CPQ: variants seen among roughly 807,000 people sequenced by gnomAD.
The protein encoded by CPQ is carboxypeptidase Q.
In CPQ, 37 loss-of-function variants were observed where a neutral mutation model predicts 45.7. That is an observed-to-expected ratio of 0.81 (90% CI 0.62 to 1.07). The LOEUF (loss-of-function observed/expected upper bound fraction) is 1.07. Ranked by LOEUF, CPQ falls within the 50% of genes least tolerant of loss-of-function variation. The pLI, the probability that CPQ is intolerant of heterozygous loss-of-function variation, is 0.00. For missense variants in CPQ, 537 were observed against 572.9 expected (o/e 0.94, Z 0.64); for synonymous variants, 186 against 205.8 (o/e 0.90, Z 0.82).
intron 4 of CPQ, among the ~76,000 whole-genome samples, chr8:96,881,161 T>C (rs1812218573): frequency 6.6e-6 from 1 of 152,210 alleles, no homozygotes; most frequent in South Asian, 2.1e-4. Context: ...ATATTTTCTG[T>C]ATTAGTCCAT....
chr8:96,962,328 A>G (rs931810598), intron 4 of CPQ, among the ~76,000 whole-genome samples: 2 of 152,128 alleles, frequency 1.3e-5, no homozygotes, highest in East Asian at 3.9e-4. Flanking sequence ...GGAAAAGATG[A>G]TGGTGAAAAG....
intron 3 of CPQ, among the ~76,000 whole-genome samples, chr8:96,864,573 A>T (rs1237050534): frequency 6.6e-6 from 1 of 151,552 alleles, no homozygotes; most frequent in Non-Finnish European, 1.5e-5. Flanking sequence ...ATTTTCAAAG[A>T]TCAAACAGTG....
intron 5 of CPQ, among the ~76,000 whole-genome samples, chr8:97,020,808 TAC>T (rs1224062207): frequency 7.2e-5 from 11 of 152,008 alleles, no homozygotes; most frequent in African/African-American, 2.7e-4. Flanking sequence ...GAAGAATTGG[TAC>T]CAATTCTATT....
intron 3 of CPQ, among the ~76,000 whole-genome samples, chr8:96,878,928 T>C (rs1812183413): frequency 6.6e-6 from 1 of 152,200 alleles, no homozygotes. Context: ...ACTTGGAAGC[T>C]GTGACAGTTT....
chr8:96,676,589 G>T (rs1476768845), intron 1 of CPQ, among the ~76,000 whole-genome samples: 1 of 151,962 alleles, frequency 6.6e-6, no homozygotes, highest in African/African-American at 2.4e-5. Context: ...GCATATCTTG[G>T]TTATTGTGAA....
chr8:96,645,655 G>T (rs970078721), intron 1 of CPQ, among the ~76,000 whole-genome samples: 23 of 152,012 alleles, frequency 1.5e-4, no homozygotes, highest in African/African-American at 5.3e-4. Flanking sequence ...GTGACGTGGG[G>T]GTGGTGGAGG....
At chr8:96,719,369 G>A (rs1051551353) in intron 1 of CPQ, among the ~76,000 whole-genome samples, 1 of 152,236 alleles carries the variant, frequency 6.6e-6, no homozygotes, top group East Asian at 1.9e-4. Flanking sequence ...AGGGCTGGCC[G>A]GCTGCTCCAA....
At chr8:96,786,003 T>G (rs1419797724) in intron 2 of CPQ, among the ~76,000 whole-genome samples, 2 of 152,184 alleles carry the variant, frequency 1.3e-5, no homozygotes, top group African/African-American at 4.8e-5. Flanking sequence ...TGAAGTACAT[T>G]GTCAGTTTAA....
intron 5 of CPQ, among the ~76,000 whole-genome samples, chr8:96,975,693 A>G (rs1813766191): frequency 6.6e-6 from 1 of 152,108 alleles, no homozygotes; most frequent in Admixed American, 6.5e-5. Context: ...TTTAAGAGAC[A>G]TAAGTCAATA....
intron 1 of CPQ, among the ~76,000 whole-genome samples, chr8:96,784,156 C>T (rs1810726262): frequency 1.3e-5 from 2 of 151,872 alleles, no homozygotes; most frequent in African/African-American, 4.8e-5. Flanking sequence ...ACAGCATGCA[C>T]TATATAAATG....
At chr8:96,660,150 T>C (rs1025274127) in intron 1 of CPQ, among the ~76,000 whole-genome samples, 1 of 152,180 alleles carries the variant, frequency 6.6e-6, no homozygotes, top group Non-Finnish European at 1.5e-5. Flanking sequence ...ACAACAGAAA[T>C]GAATTTTCTC....
intron 2 of CPQ, among the ~76,000 whole-genome samples, chr8:96,792,011 G>A (rs1324851724): frequency 3.3e-5 from 5 of 152,114 alleles, no homozygotes; most frequent in African/African-American, 1.2e-4. Context: ...TAGATTCTTT[G>A]TTTAACCAGA....
At chr8:97,069,470 T>TAAAA (rs76928528) in intron 7 of CPQ, among the ~76,000 whole-genome samples, 1 of 124,674 alleles carries the variant, frequency 8.0e-6, no homozygotes. Context: ...CATCTGTCTC[T>TAAAA]AAAAAAAAAA....
At chr8:97,047,112 A>T (rs911818488) in intron 6 of CPQ, among the ~76,000 whole-genome samples, 8 of 152,200 alleles carry the variant, frequency 5.3e-5, no homozygotes, top group Non-Finnish European at 1.0e-4. Context: ...CATCTATGTG[A>T]TCATTTATAA....
intron 5 of CPQ, among the ~76,000 whole-genome samples, chr8:96,978,968 C>T (rs1243002826): frequency 6.6e-6 from 1 of 151,740 alleles, no homozygotes; most frequent in Non-Finnish European, 1.5e-5. Context: ...CAGTTCCTTG[C>T]GTCAAGGAGC....
intron 1 of CPQ, among the ~76,000 whole-genome samples, chr8:96,693,256 A>AG (rs1159948025): frequency 6.6e-6 from 1 of 151,688 alleles, no homozygotes; most frequent in East Asian, 2.0e-4. Context: ...AAGGGTAGGG[A>AG]GGGGGGAGAG....
At chr8:96,834,682 A>G (rs574288860) in intron 2 of CPQ, among the ~76,000 whole-genome samples, 2 of 152,342 alleles carry the variant, frequency 1.3e-5, no homozygotes, top group South Asian at 2.1e-4. Flanking sequence ...GTGGGAAAGA[A>G]TTAAAAAAGA....
intron 1 of CPQ, among the ~76,000 whole-genome samples, chr8:96,653,086 G>C (rs979558517): frequency 6.6e-6 from 1 of 152,044 alleles, no homozygotes; most frequent in Non-Finnish European, 1.5e-5. Context: ...TGTGCCACTG[G>C]GCCTGGCTAA....
chr8:97,095,161 A>G (rs1811189626), intron 7 of CPQ, among the ~76,000 whole-genome samples: 1 of 152,062 alleles, frequency 6.6e-6, no homozygotes, highest in South Asian at 2.1e-4. Flanking sequence ...AGATAACTCT[A>G]TAGATTCTCA....
Sources: gnomAD v4.1 joint callset for allele counts (sites outside exome capture counted in the v4.1 genomes callset) on GRCh38, gnomAD v4.1.1 for gene constraint, MANE v1.5 for transcripts, NCBI Gene and HGNC (gene_info 2026-07-23, HGNC 2026-07-21) for gene names.